MTFR1: variants seen among roughly 807,000 people sequenced by gnomAD.
The protein encoded by MTFR1 is mitochondrial fission regulator 1, also known as chondrocyte protein with a poly-proline region.
Under a neutral mutation model 38.8 loss-of-function variants are expected in MTFR1, and 28 were observed. The observed-to-expected ratio is 0.72, with a 90% confidence interval of 0.53 to 0.99. The LOEUF (loss-of-function observed/expected upper bound fraction) is 0.99, where lower values mean the gene tolerates loss of function less well. MTFR1 is among the 50% of genes least tolerant of loss of function. MTFR1 has a pLI of 0.00. For synonymous variants in MTFR1, 145 were observed against 137.0 expected, an observed-to-expected ratio of 1.06 and a Z score of -0.41; for missense variants, 358 against 395.5, an observed-to-expected ratio of 0.91 and a Z score of 0.81.
chr8:65,750,570 A>G (rs1335024009), intron 3 of MTFR1, among the ~76,000 whole-genome samples: 7 of 151,952 alleles, frequency 4.6e-5, no homozygotes, highest in African/African-American at 1.7e-4. Flanking sequence ...GGACAACTGC[A>G]TAAGGTCCAA....
At position 65,661,424 on chromosome 8, in the gene MTFR1, G is replaced by A. The variant is rs538379370; in HGVS notation, c.-80-8449G>A. ...AGGCTGAGGGGGTGTATCACTTAAG[G>A]CCAGGAGTTCCTGACCAGACTGGCC... is the stretch of plus-strand genomic sequence containing the variant. On this transcript the variant is annotated intron_variant, in intron 1 of 7. Coordinates refer to ENST00000262146, the MANE Select transcript of MTFR1 (RefSeq NM_014637.4). Among the ~76,000 whole-genome samples, 8 of 152,178 alleles carry A rather than the reference G, an allele frequency of 5.3e-5. No individual in the cohort carries two copies. The East Asian group carries it at 1.4e-3, about 26-fold the overall frequency.
chr8:65,654,232 T>A (rs1033461547), intron 1 of MTFR1, among the ~76,000 whole-genome samples: 1 of 152,160 alleles, frequency 6.6e-6, no homozygotes, highest in Non-Finnish European at 1.5e-5. Flanking sequence ...AGTTTTCAGA[T>A]CTTTCCTCTA....
downstream of MTFR1, chr8:65,710,578 T>A (rs1229226428): frequency 3.3e-5 from 5 of 152,452 alleles, no homozygotes; most frequent in African/African-American, 1.2e-4. Context: ...GTGCTTCCAT[T>A]TTTTCTTTTT....
At chr8:65,705,736 T>TA (rs1160196066) in intron 5 of MTFR1, among the ~76,000 whole-genome samples, 1 of 152,228 alleles carries the variant, frequency 6.6e-6, no homozygotes, top group African/African-American at 2.4e-5. Flanking sequence ...GTTACTGAGT[T>TA]ATTGTGAGAA....
intron 4 of MTFR1, among the ~76,000 whole-genome samples, chr8:65,704,377 C>G (rs62507637): frequency 2.6e-5 from 4 of 152,294 alleles, no homozygotes; most frequent in Non-Finnish European, 5.9e-5. Flanking sequence ...AAAGCTTCTT[C>G]TTAGTTCAAA....
intron 3 of MTFR1, among the ~76,000 whole-genome samples, chr8:65,759,698 C>A (rs919428260): frequency 3.3e-5 from 5 of 152,060 alleles, no homozygotes; most frequent in Non-Finnish European, 7.4e-5. Context: ...TGGCATTCAC[C>A]CCTTTCTTTT....
chr8:65,731,915 A>G (rs76326392), intron 3 of MTFR1, among the ~76,000 whole-genome samples: 6,106 of 152,214 alleles, frequency 0.04, 181 homozygotes, highest in Non-Finnish European at 0.062. Flanking sequence ...GTGACTTGTG[A>G]TCACCCTATC....
chr8:65,695,819 T>C (rs1438222881), intron 4 of MTFR1, among the ~76,000 whole-genome samples: 1 of 152,178 alleles, frequency 6.6e-6, no homozygotes, highest in Non-Finnish European at 1.5e-5. Context: ...CTATACTCTA[T>C]AACATTTAGA....
chr8:65,709,121 CTG>C lies in MTFR1; in HGVS notation c.*79_*80del. On this transcript the variant is annotated 3_prime_UTR_variant, in exon 8 of 8. Coordinates refer to ENST00000262146, the MANE Select transcript of MTFR1 (RefSeq NM_014637.4). ...CCAAGTTTGCTAGTAGAAATCGACACTGTTTAGTAAATACCTCTTTAGTATTC... is the reference window on the plus strand; with the variant it reads ...CCAAGTTTGCTAGTAGAAATCGACACTTTAGTAAATACCTCTTTAGTATTC... The C allele has an allele frequency of 7.8e-7, 1 of 1,281,832 alleles. No individual in the cohort carries two copies. Among genetic ancestry groups the C allele is most frequent in the East Asian group, 2.3e-5 (1 of 43,248 alleles). The allele number at this position is 1,281,832 out of a possible 1,614,324, so 79.4% of individuals were successfully genotyped here.
Position 65,708,014 on chromosome 8 carries a change from G to A in MTFR1, c.933+3G>A, listed in dbSNP as rs1805836929. 1.2e-6 allele frequency: 2 copies of A among 1,611,306 alleles called. No individual in the cohort carries two copies. Among genetic ancestry groups the A allele is most frequent in the Non-Finnish European group, 1.7e-6 (2 of 1,179,804 alleles). The stretch of plus-strand genomic sequence containing the variant: ...AGGCCACCTCAGAGAGAGTGTTGGT[G>A]AGTTATTTGCCCAGATTTCTTTCCT... On this transcript the variant is annotated splice_donor_region_variant and intron_variant, in intron 7 of 7. Coordinates refer to ENST00000262146, the MANE Select transcript of MTFR1 (RefSeq NM_014637.4).
chr8:65,668,111 A>T (rs1585757785), intron 1 of MTFR1, among the ~76,000 whole-genome samples: 2 of 152,282 alleles, frequency 1.3e-5, no homozygotes, highest in East Asian at 3.9e-4. Context: ...TCACTATGTA[A>T]ATCAACTATG....
intron 3 of MTFR1, chr8:65,727,378 A>G (rs997633086): frequency 6.4e-7 from 1 of 1,573,234 alleles, no homozygotes; most frequent in African/African-American, 1.4e-5. Flanking sequence ...GTTTTGAATT[A>G]GCAGCCAATG....
At chr8:65,775,465 T>C (rs1359678845), downstream of MTFR1, among the ~76,000 whole-genome samples, 1 of 152,216 alleles carries the variant, frequency 6.6e-6, no homozygotes, top group Non-Finnish European at 1.5e-5. Context: ...GATTTTCCCA[T>C]CTAGTCTTTA....
chr8:65,757,948 TC>T (rs746130853), intron 3 of MTFR1, among the ~76,000 whole-genome samples: 4 of 152,198 alleles, frequency 2.6e-5, no homozygotes, highest in Non-Finnish European at 5.9e-5. Context: ...ATATTTGATT[TC>T]CCTCAATTTA....
chr8:65,728,215 A>C (rs1806687214), intron 3 of MTFR1: 1 of 152,212 alleles, frequency 6.6e-6, no homozygotes, highest in Non-Finnish European at 1.5e-5. Context: ...TTGAGCATAC[A>C]CCACTTATAT....
chr8:65,713,439 AACACACACACAC>A (rs144454204), downstream of MTFR1, among the ~76,000 whole-genome samples: 173 of 137,554 alleles, frequency 1.3e-3, 1 homozygote, highest in South Asian at 7.2e-3. Context: ...TCCCATCTCA[AACACACACACAC>A]ACACACACAC....
At chr8:65,747,823 A>C in intron 3 of MTFR1, 1 of 1,567,174 alleles carries the variant, frequency 6.4e-7, no homozygotes, top group East Asian at 2.3e-5. Context: ...AAAGAATAAA[A>C]GGTAAGTATA....
rs1805798017 is a variant in MTFR1 at position 65,707,005 on chromosome 8, T to G, written c.518-5T>G. 6.3e-7 allele frequency: 1 copy of G among 1,583,316 alleles called. No homozygotes were observed. Among genetic ancestry groups the G allele is most frequent in the Non-Finnish European group, 8.6e-7 (1 of 1,166,240 alleles). On this transcript the variant is annotated splice_polypyrimidine_tract_variant and splice_region_variant and intron_variant, in intron 5 of 7. Transcript: ENST00000262146. ...GATTAAGTTTGTTTTCCTTTGTTTCTGTAGGTGACTTAGATTCTACCACAT... is the reference window on the plus strand; with the variant it reads ...GATTAAGTTTGTTTTCCTTTGTTTCGGTAGGTGACTTAGATTCTACCACAT...
At chr8:65,763,502 T>C (rs1343970710) in intron 3 of MTFR1, among the ~76,000 whole-genome samples, 3 of 151,998 alleles carry the variant, frequency 2.0e-5, no homozygotes, top group Non-Finnish European at 4.4e-5. Flanking sequence ...GAGGCGAAGG[T>C]TGAGGTGAGC....
Sources: gnomAD v4.1 joint callset for allele counts (sites outside exome capture counted in the v4.1 genomes callset) on GRCh38, gnomAD v4.1.1 for gene constraint, MANE v1.5 for transcripts, NCBI Gene and HGNC (gene_info 2026-07-23, HGNC 2026-07-21) for gene names.